The following ABCD2 variants were observed in gnomAD, a reference collection of about 807,000 sequenced individuals.
ABCD2 encodes ATP binding cassette subfamily D member 2.
In ABCD2, 36 loss-of-function variants were observed where a neutral mutation model predicts 70.9. The observed-to-expected ratio is 0.51, with a 90% CI of 0.39 to 0.67. ABCD2 has a LOEUF of 0.67. Among genes scored for constraint, ABCD2 ranks in the 30% least tolerant of loss-of-function variants. The probability of loss-of-function intolerance (pLI) is 0.00; values close to 1 mark genes in which losing one functional copy is unlikely to be tolerated. For synonymous variants in ABCD2, 304 were observed against 306.9 expected, an observed-to-expected ratio of 0.99 and a Z score of 0.10; for missense variants, 729 against 890.2, an observed-to-expected ratio of 0.82 and a Z score of 2.30.
At chr12:39,566,698 C>T (rs1450564183) in intron 9 of ABCD2, among the ~76,000 whole-genome samples, 7 of 151,978 alleles carry the variant, frequency 4.6e-5, no homozygotes, top group East Asian at 3.8e-4. Context: ...GCTCTTGCTC[C>T]TCTATTTCTT....
Position 39,604,930 on chromosome 12 carries a change from C to A in ABCD2, c.1237G>T (p.Val413Phe). Residue 413 changes from valine (V) to phenylalanine (F), a missense_variant and splice_region_variant, in exon 4 of 10, where the codon GTC (valine) becomes TTC (phenylalanine). Val to Phe is a conservative substitution (Grantham distance 50, BLOSUM62 -1). Around this residue, in one of 3 missense-constraint regions of ABCD2, gnomAD observed 195 missense variants for 300.2 expected, o/e 0.65. Transcript: ENST00000308666. ...IERIMSSYKE[V>F]TELAGYTARV... Reference sequence around the variant, plus strand: ...GCAGTGTAGCCTGCTAATTCAGTGACCTAAAAGCAACACAGAGATATAAAA... The same window carrying A: ...GCAGTGTAGCCTGCTAATTCAGTGAACTAAAAGCAACACAGAGATATAAAA... 1 of 1,573,846 alleles carries A rather than the reference C, an allele frequency of 6.4e-7. No homozygotes were observed. Among genetic ancestry groups the A allele is most frequent in the South Asian group, 1.2e-5 (1 of 83,084 alleles).
the ABCD2 span, chr12:39,539,665 G>C: frequency 6.5e-6 from 1 of 153,022 alleles, no homozygotes; most frequent in African/African-American, 2.4e-5. Context: ...GCAAGAAGGA[G>C]CCTATGATAT....
At position 39,619,517 on chromosome 12, in the gene ABCD2, C is replaced by T. The variant is rs1314274130; in HGVS notation, c.99G>A (p.Leu33=). 6.2e-7 allele frequency: 1 copy of T among 1,612,334 alleles called. No homozygotes were observed. The highest frequency in any genetic ancestry group is 1.1e-5 in the South Asian group (1 of 91,074). ...TGCCAATGATGGGATAGAGGGTTTT[C>T]AGAGCATATGCCGCAGCCACCAGGC... The part of the protein sequence containing the change: ...AACLVAAAYA[L]KTLYPIIGKR... Residue 33 remains leucine (L), a synonymous_variant, in exon 1 of 10, where the codon CTG becomes CTA. Transcript: ENST00000308666.
At chr12:39,595,666 T>G (rs1941806103) in intron 6 of ABCD2, among the ~76,000 whole-genome samples, 1 of 152,172 alleles carries the variant, frequency 6.6e-6, no homozygotes, top group East Asian at 1.9e-4. Context: ...CACAACCCTG[T>G]GAATGAAGTA....
chr12:39,581,686 T>A lies in ABCD2; in HGVS notation c.1793-2067A>T, dbSNP rs574477687. On this transcript the variant is annotated intron_variant, in intron 7 of 9. Transcript: ENST00000308666. ...TTTTTTCCCCTGCCCCCTGAAAACA[T>A]GGCACAAGAGAAAAGTATTTGGGTC... 2.6e-5 allele frequency among the ~76,000 whole-genome samples: 4 copies of A among 152,270 alleles called. No homozygotes were observed. The South Asian group carries it at 6.2e-4, about 24-fold the overall frequency.
intron 9 of ABCD2, among the ~76,000 whole-genome samples, chr12:39,561,029 A>C (rs1941249516): frequency 6.6e-6 from 1 of 152,130 alleles, no homozygotes. Context: ...GCAATTAACA[A>C]AATGACAGGA....
chr12:39,582,824 C>T (rs1458209657), intron 7 of ABCD2, among the ~76,000 whole-genome samples: 1 of 151,354 alleles, frequency 6.6e-6, no homozygotes, highest in Non-Finnish European at 1.5e-5. Flanking sequence ...AGTACAGTAT[C>T]AATATTACAA....
At chr12:39,564,460 A>C (rs1460564589) in intron 9 of ABCD2, among the ~76,000 whole-genome samples, 1 of 152,070 alleles carries the variant, frequency 6.6e-6, no homozygotes, top group African/African-American at 2.4e-5. Context: ...TCCTTTGCCC[A>C]CTTTTTGATG....
chr12:39,540,372 C>T, the ABCD2 span, among the ~76,000 whole-genome samples: 2 of 152,136 alleles, frequency 1.3e-5, no homozygotes, highest in Admixed American at 1.3e-4. Context: ...CCCTATGTAT[C>T]CTGACTTACT....
intron 4 of ABCD2, 71 bp downstream of exon 4, chr12:39,604,691 C>T (rs1941946787): frequency 7.9e-7 from 1 of 1,264,884 alleles, no homozygotes. Context: ...CTAAAAGCTA[C>T]CTTCTTAAAC....
the ABCD2 span, among the ~76,000 whole-genome samples, chr12:39,531,382 G>A: frequency 6.6e-6 from 1 of 152,142 alleles, no homozygotes; most frequent in Non-Finnish European, 1.5e-5. Context: ...CCTCATGGAT[G>A]GGATTAATGC....
At chr12:39,571,047 G>C (rs1941440725) in intron 9 of ABCD2, among the ~76,000 whole-genome samples, 1 of 152,064 alleles carries the variant, frequency 6.6e-6, no homozygotes, top group South Asian at 2.1e-4. Flanking sequence ...ACTCTTGTCA[G>C]AATGGCTATT....
intron 5 of ABCD2, among the ~76,000 whole-genome samples, chr12:39,601,560 T>C (rs1389536628): frequency 1.3e-5 from 2 of 152,062 alleles, no homozygotes; most frequent in East Asian, 3.9e-4. Flanking sequence ...AAGGGTATTG[T>C]GAACAACAAT....
intron 9 of ABCD2, among the ~76,000 whole-genome samples, chr12:39,564,517 T>C (rs1027166747): frequency 6.6e-5 from 10 of 152,374 alleles, no homozygotes; most frequent in Non-Finnish European, 1.5e-4. Flanking sequence ...TCATTGTAGA[T>C]TCTGGATATT....
intron 2 of ABCD2, among the ~76,000 whole-genome samples, chr12:39,608,213 G>A (rs1941997097): frequency 6.6e-6 from 1 of 151,666 alleles, no homozygotes; most frequent in Non-Finnish European, 1.5e-5. Flanking sequence ...GAAGAGAGAG[G>A]AGAGGAGAGA....
intron 9 of ABCD2, among the ~76,000 whole-genome samples, chr12:39,567,248 A>G (rs1053476519): frequency 1.7e-4 from 26 of 152,146 alleles, no homozygotes; most frequent in African/African-American, 6.0e-4. Flanking sequence ...CTCTCCCAAT[A>G]TTATTGTGCA....
chr12:39,567,915 G>C (rs1159017192), intron 9 of ABCD2, among the ~76,000 whole-genome samples: 1 of 152,014 alleles, frequency 6.6e-6, no homozygotes, highest in Non-Finnish European at 1.5e-5. Flanking sequence ...GAAATTCTGG[G>C]TTGAAAATTC....
intron 9 of ABCD2, among the ~76,000 whole-genome samples, chr12:39,562,680 A>G (rs1182060317): frequency 6.6e-6 from 1 of 152,148 alleles, no homozygotes; most frequent in Non-Finnish European, 1.5e-5. Flanking sequence ...AGGAAATGGA[A>G]TCACATCAAG....
At chr12:39,544,005 G>A in the ABCD2 span, among the ~76,000 whole-genome samples, 1 of 152,164 alleles carries the variant, frequency 6.6e-6, no homozygotes, top group African/African-American at 2.4e-5. Context: ...AATTCATCAA[G>A]ACAGGGAAAT....
Sources: allele counts gnomAD v4.1 joint callset (sites outside exome capture counted in the v4.1 genomes callset), GRCh38; gene constraint gnomAD v4.1.1; regional missense constraint gnomAD v4.1.1; transcripts MANE v1.5; gene names NCBI Gene and HGNC (gene_info 2026-07-23, HGNC 2026-07-21).